Variants in SPG7 observed in about 807,000 individuals in gnomAD.
The protein encoded by SPG7 is SPG7 matrix AAA peptidase subunit, paraplegin, also known as mitochondrial inner membrane m-AAA protease component paraplegin.
Under a neutral mutation model 81.9 loss-of-function variants are expected in SPG7, and 103 were observed. The ratio of observed to expected loss-of-function variants is 1.26; its 90% CI spans 1.07 to 1.48. SPG7 has a LOEUF of 1.48. Among genes scored for constraint, SPG7 ranks in the 40% most tolerant of loss-of-function variants. The pLI is 0.00. For missense variants in SPG7, 1,241 were observed against 1,087.3 expected, an observed-to-expected ratio of 1.14 and a Z score of -1.99; for synonymous variants, 534 against 444.2, an observed-to-expected ratio of 1.20 and a Z score of -2.54.
In SPG7 at chr16:89,544,677, C is replaced by A. The variant is rs2058540705; in HGVS notation, c.1354C>A (p.Leu452Met). ...GGGTACCACAGACCATGTCATCGTC[C>A]TGGCGTCCACGAACCGAGCTGACAT... ...GMGTTDHVIVLASTNRADILD... is the reference protein window; with the variant it reads ...GMGTTDHVIVMASTNRADILD... The change falls in exon 10 of 17, where the codon CTG becomes ATG. Residue 452 changes from leucine to methionine, a missense_variant. Transcript: ENST00000645818. The A allele has an allele frequency of 1.9e-6, 3 of 1,614,106 alleles. No individual in the cohort carries two copies. In the East Asian group the frequency reaches 6.7e-5, roughly 36 times the overall value.
At position 89,550,321 on chromosome 16, in the gene SPG7, C is replaced by T. The variant is rs928462190; in HGVS notation, c.1664-173C>T. ...CCAAGTAGCTGGGACTGCAGGCGCC[C>T]GCCATCACACCTAGCTAATTTTTCT... On this transcript the variant is annotated intron_variant, in intron 12 of 16. Transcript: ENST00000645818. 32 of 599,286 alleles carry T rather than the reference C, an allele frequency of 5.3e-5. No individual in the cohort carries two copies. The Admixed American group carries it at 5.6e-4, about 11-fold the overall frequency. The allele number at this position is 599,286 out of a possible 1,614,324, so 37.1% of individuals were successfully genotyped here. A position where few individuals can be genotyped will look rare whatever the true frequency, so the allele number is the denominator to read the frequency against.
intron 3 of SPG7, among the ~76,000 whole-genome samples, chr16:89,513,865 C>G (rs1017477995): frequency 6.6e-6 from 1 of 152,190 alleles, no homozygotes. Context: ...TCCCATGTTG[C>G]TTTTCAGGAA....
At chr16:89,513,137 G>T (rs1380970128) in intron 3 of SPG7, 100 bp downstream of exon 3, 4 of 1,509,092 alleles carry the variant, frequency 2.7e-6, no homozygotes, top group Non-Finnish European at 3.6e-6. Flanking sequence ...AAAATGGGGA[G>T]ATGGGCCGGG....
chr16:89,532,705 G>C, intron 9 of SPG7, 69 bp downstream of exon 9: 1 of 1,591,142 alleles, frequency 6.3e-7, no homozygotes, highest in East Asian at 2.2e-5. Flanking sequence ...TTTCAGAACA[G>C]GTTGTGGTGA....
At chr16:89,515,747 C>T (rs1458218152) in intron 3 of SPG7, among the ~76,000 whole-genome samples, 2 of 150,246 alleles carry the variant, frequency 1.3e-5, no homozygotes, top group Non-Finnish European at 3.0e-5. Flanking sequence ...CTCGCTCTGT[C>T]GCCAGGCTAG....
chr16:89,512,418 C>G (rs941176949), intron 2 of SPG7, among the ~76,000 whole-genome samples: 2 of 151,554 alleles, frequency 1.3e-5, no homozygotes, highest in Non-Finnish European at 2.9e-5. Context: ...CGGGTTCAAG[C>G]AATTCTGCCT....
rs1555611445 is a variant in SPG7, at chr16:89,524,000, G to A, written c.377-6G>A. ...GTTTCTCCCTTTTGCTTCTCTGCCG[G>A]CTCAGAGGAGAGGAGACGCCGTGAG... On this transcript the variant is annotated splice_region_variant and splice_polypyrimidine_tract_variant and intron_variant, in intron 3 of 16. Coordinates refer to ENST00000645818, the MANE Select transcript of SPG7 (RefSeq NM_003119.4). 6.2e-7 allele frequency: 1 copy of A among 1,611,880 alleles called. No homozygotes were observed. The highest frequency in any genetic ancestry group is 8.5e-7 in the Non-Finnish European group (1 of 1,179,976).
rs1036890987 is a variant in SPG7 at position 89,546,531 on chromosome 16, A to G, written c.1450-127A>G. ...CGTCTCTACTAAAAATACAAAACTCAGGCATGATGGCACACACTTGTAATC... is the reference window on the plus strand; with the variant it reads ...CGTCTCTACTAAAAATACAAAACTCGGGCATGATGGCACACACTTGTAATC... On this transcript the variant is annotated intron_variant, in intron 10 of 16. Transcript: ENST00000645818. The G allele has an allele frequency of 8.2e-5, 64 of 778,836 alleles. 1 individual carries two copies. The highest frequency in any genetic ancestry group is 8.0e-4 in the South Asian group (59 of 73,738). 48.2% of individuals were successfully genotyped at this position (778,836 alleles called of 1,614,324 possible).
intron 5 of SPG7, 124 bp downstream of exon 5, chr16:89,526,592 A>G (rs545235283): frequency 4.0e-6 from 4 of 995,070 alleles, no homozygotes; most frequent in Non-Finnish European, 6.4e-6. Context: ...TTTTAGTGGG[A>G]GGGTTAAATA....
At chr16:89,553,695 G>C in intron 14 of SPG7, 99 bp from the exon 15 acceptor site, 1 of 1,187,568 alleles carries the variant, frequency 8.4e-7, no homozygotes, top group South Asian at 1.2e-5. Context: ...AGGGGATGGA[G>C]GTGGTGCTGC....
chr16:89,533,717 T>C (rs1472457043), intron 9 of SPG7: 1 of 152,126 alleles, frequency 6.6e-6, no homozygotes, highest in Admixed American at 6.5e-5. Context: ...AAATGACTTC[T>C]GGTCTGGCTT....
intron 9 of SPG7, among the ~76,000 whole-genome samples, chr16:89,542,635 T>C (rs982367668): frequency 1.3e-5 from 2 of 152,206 alleles, no homozygotes; most frequent in Non-Finnish European, 2.9e-5. Context: ...ACTGAGCTGC[T>C]GTCCAGACCT....
At chr16:89,518,440 G>C (rs766462776) in intron 3 of SPG7, 2 of 151,974 alleles carry the variant, frequency 1.3e-5, no homozygotes, top group Non-Finnish European at 2.9e-5. Context: ...GTGAAAAAAG[G>C]CTCCGCTCAC....
intron 1 of SPG7, 53 bp from the exon 2 acceptor site, chr16:89,510,437 G>T: frequency 1.8e-6 from 2 of 1,116,198 alleles, no homozygotes; most frequent in Admixed American, 1.7e-5. Context: ...GCATTGCTTT[G>T]GTACTCTCTA....
At chr16:89,533,350 G>T (rs1384526063) in intron 9 of SPG7, 1 of 152,156 alleles carries the variant, frequency 6.6e-6, no homozygotes, top group Non-Finnish European at 1.5e-5. Flanking sequence ...TGTATTTTTA[G>T]TAGAGACGGG....
intron 13 of SPG7, chr16:89,552,072 T>C (rs2058639931): frequency 6.6e-6 from 1 of 151,964 alleles, no homozygotes; most frequent in South Asian, 2.1e-4. Context: ...TTCTTTTTGT[T>C]TTGAGACAGG....
At chr16:89,532,856 G>C in intron 9 of SPG7, 1 of 568,218 alleles carries the variant, frequency 1.8e-6, no homozygotes, top group Non-Finnish European at 3.2e-6. Context: ...GGCCAAGACA[G>C]GCGGATCACC....
At chr16:89,531,878 G>C (rs763732322) in intron 7 of SPG7, 26 bp from the exon 8 acceptor site, 2 of 1,613,788 alleles carry the variant, frequency 1.2e-6, no homozygotes, top group East Asian at 4.5e-5. Context: ...CAAGTAGTTA[G>C]TGTTGCATTG....
chr16:89,544,867 G>GACAGGCTTCACACC, intron 10 of SPG7, 95 bp downstream of exon 10: 1 of 1,497,714 alleles, frequency 6.7e-7, no homozygotes, highest in Non-Finnish European at 9.2e-7. Context: ...TTCTTGGTGT[G>GACAGGCTTCACACC]AAGCCTGTCA....
Sources: gnomAD v4.1 joint callset for allele counts (sites outside exome capture counted in the v4.1 genomes callset) on GRCh38, gnomAD v4.1.1 for gene constraint, MANE v1.5 for transcripts, NCBI Gene and HGNC (gene_info 2026-07-23, HGNC 2026-07-21) for gene names.